Variants in ETFDH observed in about 807,000 individuals in gnomAD.
ETFDH encodes the protein electron transfer flavoprotein dehydrogenase, also known as electron transfer flavoprotein-ubiquinone oxidoreductase, mitochondrial.
In ETFDH, 61 loss-of-function variants were observed where a neutral mutation model predicts 73.2. The observed-to-expected ratio is 0.83, with a 90% CI of 0.68 to 1.03. ETFDH has a LOEUF of 1.03. Ranked by LOEUF, ETFDH falls within the 50% of genes least tolerant of loss-of-function variation. ETFDH has a pLI of 0.00. For synonymous variants in ETFDH, 243 were observed against 253.3 expected, an observed-to-expected ratio of 0.96 and a Z score of 0.39; for missense variants, 685 against 745.0, an observed-to-expected ratio of 0.92 and a Z score of 0.94.
Position 158,689,625 on chromosome 4 carries a change from TATATATATATA to T in ETFDH, c.607-722_607-712del, listed in dbSNP as rs1561242377. 3.5e-3 allele frequency among the ~76,000 whole-genome samples: 410 copies of T among 118,516 alleles called. 17 individuals are homozygous for T. The highest frequency in any genetic ancestry group is 5.6e-3 in the Non-Finnish European group (313 of 55,474). The allele number at this position is 118,516 out of a possible 152,430, so 77.8% of individuals were successfully genotyped here. On this transcript the variant is annotated intron_variant, in intron 5 of 12. Transcript: ENST00000511912. ...ATATATATATATATATATATATATA[TATATATATATA>T]TTGTGGGGGGGTGGGTTCATATCCA...
intron 7 of ETFDH, among the ~76,000 whole-genome samples, chr4:158,696,726 G>T (rs1774317330): frequency 6.6e-6 from 1 of 152,148 alleles, no homozygotes; most frequent in Non-Finnish European, 1.5e-5. Context: ...AAAAGAGGGT[G>T]AACAATTTAT....
rs147061493 is a variant in ETFDH, at chr4:158,689,260, T to G, written c.607-1088T>G. Among the ~76,000 whole-genome samples, 275 of 152,298 alleles carry G rather than the reference T, an allele frequency of 1.8e-3. 2 individuals carry two copies. Among genetic ancestry groups the G allele is most frequent in the African/African-American group, 6.1e-3 (255 of 41,586 alleles). On this transcript the variant is annotated intron_variant, in intron 5 of 12. Coordinates refer to ENST00000511912, the MANE Select transcript of ETFDH (RefSeq NM_004453.4). ...TATTATACTTGCTGCTATAAATTTC[T>G]GTTTTCCTAACCCATATACATGCAT...
chr4:158,689,933 A>G (rs1324172313), intron 5 of ETFDH, among the ~76,000 whole-genome samples: 1 of 151,946 alleles, frequency 6.6e-6, no homozygotes, highest in African/African-American at 2.4e-5. Context: ...TGTTTATTGA[A>G]TGAAGTCTTC....
At chr4:158,685,350 G>A (rs1773978660) in intron 5 of ETFDH, 131 bp downstream of exon 5, 1 of 653,456 alleles carries the variant, frequency 1.5e-6, no homozygotes, top group African/African-American at 1.9e-5. Context: ...AGATTAGAAG[G>A]AATCTTTAAA....
chr4:158,708,642 T>C lies in ETFDH; in HGVS notation c.*115T>C. ...ACTGAACAGAATAGTCACAAAATGATTATCAAATAAAAATTTTATACTATA... is the reference window on the plus strand; with the variant it reads ...ACTGAACAGAATAGTCACAAAATGACTATCAAATAAAAATTTTATACTATA... On this transcript the variant is annotated 3_prime_UTR_variant, in exon 13 of 13. Transcript: ENST00000511912. The C allele has an allele frequency of 1.1e-6, 1 of 877,766 alleles. No homozygotes were observed. The highest frequency in any genetic ancestry group is 1.8e-6 in the Non-Finnish European group (1 of 542,262). 54.4% of individuals were successfully genotyped at this position (877,766 alleles called of 1,614,324 possible). A position where few individuals can be genotyped will look rare whatever the true frequency, so the allele number is the denominator to read the frequency against.
chr4:158,708,508 C>T lies in ETFDH; in HGVS notation c.1835C>T (p.Pro612Leu), dbSNP rs1486703236. 6.2e-7 allele frequency: 1 copy of T among 1,613,694 alleles called. No individual in the cohort carries two copies. The highest frequency in any genetic ancestry group is 8.5e-7 in the Non-Finnish European group (1 of 1,179,656). The change falls in exon 13 of 13, where the codon CCT becomes CTT. Residue 612 changes from proline (P) to leucine (L), a missense_variant. Transcript: ENST00000511912. The stretch of plus-strand genomic sequence containing the variant: ...GTGGTACCTGAAGGTGGAGGAGGAC[C>T]TGCTTACAATGGAATGTAAACTGCA... ...NWVVPEGGGG[P>L]AYNGM
chr4:158,681,375 G>C (rs1049864379), intron 2 of ETFDH, among the ~76,000 whole-genome samples: 1 of 152,110 alleles, frequency 6.6e-6, no homozygotes, highest in African/African-American at 2.4e-5. Context: ...TTGTGTTTTA[G>C]CTAAGTGTTA....
chr4:158,695,941 TCTGCC>T (rs1384991348), intron 7 of ETFDH, among the ~76,000 whole-genome samples: 2 of 152,200 alleles, frequency 1.3e-5, no homozygotes, highest in East Asian at 1.9e-4. Flanking sequence ...TGTAATGCCA[TCTGCC>T]CTGTTAGGAT....
intron 12 of ETFDH, 25 bp downstream of exon 12, chr4:158,706,875 A>G (rs1774639040): frequency 6.9e-7 from 1 of 1,443,956 alleles, no homozygotes; most frequent in Non-Finnish European, 9.8e-7. Flanking sequence ...CTATTCCTAA[A>G]TATTTGCTTT....
Position 158,684,582 on chromosome 4 carries a change from T to C in ETFDH, c.406-10T>C, listed in dbSNP as rs770555723. 1.7e-5 allele frequency: 24 copies of C among 1,442,884 alleles called. No individual in the cohort carries two copies. Among genetic ancestry groups the C allele is most frequent in the Non-Finnish European group, 2.9e-6 (3 of 1,025,564 alleles). The allele number at this position is 1,442,884 out of a possible 1,614,324, so 89.4% of individuals were successfully genotyped here. A position where few individuals can be genotyped will look rare whatever the true frequency, so the allele number is the denominator to read the frequency against. ...ACTAAAAACATTTCTTTTTCTTCTTTTATTTCTAGGCTCCACTTAACACTC... is the reference window on the plus strand; with the variant it reads ...ACTAAAAACATTTCTTTTTCTTCTTCTATTTCTAGGCTCCACTTAACACTC... On this transcript the variant is annotated splice_polypyrimidine_tract_variant and intron_variant, in intron 3 of 12. Coordinates refer to ENST00000511912, the MANE Select transcript of ETFDH (RefSeq NM_004453.4).
intron 6 of ETFDH, among the ~76,000 whole-genome samples, chr4:158,692,967 A>G (rs1387428663): frequency 6.6e-6 from 1 of 151,238 alleles, no homozygotes; most frequent in African/African-American, 2.4e-5. Context: ...TGTTGTATTT[A>G]TACAGATCTA....
chr4:158,686,817 A>G (rs1217803776), intron 5 of ETFDH, among the ~76,000 whole-genome samples: 1 of 152,142 alleles, frequency 6.6e-6, no homozygotes, highest in Admixed American at 6.5e-5. Flanking sequence ...ATAGGGGCTG[A>G]GTGCCAAGGT....
At position 158,708,344 on chromosome 4, in the gene ETFDH, T is replaced by A. The variant is rs565427453; in HGVS notation, c.1691-20T>A. On this transcript the variant is annotated intron_variant, in intron 12 of 12. Coordinates refer to ENST00000511912, the MANE Select transcript of ETFDH (RefSeq NM_004453.4). ...TTTTTAAAGTTAGGCACTTCAATATTATTTATTTTTACTTTTCAGGAGTTT... is the reference window on the plus strand; with the variant it reads ...TTTTTAAAGTTAGGCACTTCAATATAATTTATTTTTACTTTTCAGGAGTTT... 6.3e-7 allele frequency: 1 copy of A among 1,592,714 alleles called. No homozygotes were observed. The highest frequency in any genetic ancestry group is 1.1e-5 in the South Asian group (1 of 89,882).
At chr4:158,693,374 C>G (rs1774229710) in intron 6 of ETFDH, among the ~76,000 whole-genome samples, 1 of 152,142 alleles carries the variant, frequency 6.6e-6, no homozygotes, top group Admixed American at 6.6e-5. Flanking sequence ...TTTTAAGTTA[C>G]AGAGGTTAAG....
intron 10 of ETFDH, among the ~76,000 whole-genome samples, chr4:158,705,244 CT>C (rs1580421404): frequency 6.6e-6 from 1 of 152,118 alleles, no homozygotes; most frequent in East Asian, 1.9e-4. Context: ...GTTGCCCAAG[CT>C]GGAGTGCAGT....
intron 3 of ETFDH, among the ~76,000 whole-genome samples, chr4:158,683,145 A>G (rs529269921): frequency 6.6e-6 from 1 of 152,240 alleles, no homozygotes; most frequent in Non-Finnish European, 1.5e-5. Flanking sequence ...ACATATTAAT[A>G]TGGCTTCCCA....
intron 2 of ETFDH, among the ~76,000 whole-genome samples, chr4:158,680,936 AG>A (rs1412139193): frequency 6.6e-6 from 1 of 152,244 alleles, no homozygotes; most frequent in East Asian, 1.9e-4. Flanking sequence ...GTTCTTTAAA[AG>A]TCTACCATAT....
intron 3 of ETFDH, 22 bp downstream of exon 3, chr4:158,682,446 A>G (rs768184882): frequency 1.3e-6 from 2 of 1,559,636 alleles, no homozygotes. Context: ...TGTTTTTTAT[A>G]CAAAGTCTAA....
intron 6 of ETFDH, among the ~76,000 whole-genome samples, chr4:158,694,044 T>C (rs1216756767): frequency 6.6e-6 from 1 of 152,166 alleles, no homozygotes; most frequent in East Asian, 1.9e-4. Context: ...ATAGCTGGCT[T>C]CTATTATTCT....
Sources: gnomAD v4.1 joint callset for allele counts (sites outside exome capture counted in the v4.1 genomes callset) on GRCh38, gnomAD v4.1.1 for gene constraint, MANE v1.5 for transcripts, NCBI Gene and HGNC (gene_info 2026-07-23, HGNC 2026-07-21) for gene names.